The following PTPRK variants were observed in gnomAD, a reference collection of about 807,000 sequenced individuals.
PTPRK encodes the protein protein tyrosine phosphatase receptor type K, also known as receptor-type tyrosine-protein phosphatase kappa.
PTPRK carries 75 observed loss-of-function variants against 178.0 expected under a neutral mutation model. That is an observed-to-expected ratio of 0.42 (90% CI 0.35 to 0.51). The LOEUF (loss-of-function observed/expected upper bound fraction) is 0.51, where lower values mean the gene tolerates loss of function less well. Ranked by LOEUF, PTPRK falls within the 20% of genes least tolerant of loss-of-function variation. PTPRK has a pLI of 0.02. For missense variants in PTPRK, 1,441 were observed against 1,797.8 expected (o/e 0.80, Z 3.59); for synonymous variants, 637 against 620.6 (o/e 1.03, Z -0.39).
intron 22 of PTPRK, among the ~76,000 whole-genome samples, chr6:127,984,783 G>A (rs539576083): frequency 6.6e-6 from 1 of 152,258 alleles, no homozygotes; most frequent in Non-Finnish European, 1.5e-5. Flanking sequence ...CTCAATCACT[G>A]TTCCCAGAGT....
chr6:128,308,390 A>C (rs1826753288), intron 3 of PTPRK, among the ~76,000 whole-genome samples: 1 of 151,848 alleles, frequency 6.6e-6, no homozygotes, highest in African/African-American at 2.4e-5. Context: ...ATATTTCCTG[A>C]TTAGTCATGT....
At position 128,302,197 on chromosome 6, in the gene PTPRK, C is replaced by G. The variant is rs112679035; in HGVS notation, c.495+19842G>C. ...AGGTCAGGAGATGGAGACCATCCTG[C>G]CTAACATGGTGAAACCCCGTCTCTA... On this transcript the variant is annotated intron_variant, in intron 3 of 29. Transcript: ENST00000368226. 6.4e-3 allele frequency among the ~76,000 whole-genome samples: 966 copies of G among 151,626 alleles called. 13 individuals carry two copies. Among genetic ancestry groups the G allele is most frequent in the African/African-American group, 0.022 (924 of 41,376 alleles).
chr6:128,352,829 A>C (rs1833376272), intron 2 of PTPRK, among the ~76,000 whole-genome samples: 1 of 152,228 alleles, frequency 6.6e-6, no homozygotes. Context: ...GAATATGAAA[A>C]TGATATGCTA....
intron 1 of PTPRK, among the ~76,000 whole-genome samples, chr6:128,468,489 T>G (rs948072274): frequency 7.9e-5 from 12 of 152,216 alleles, no homozygotes; most frequent in African/African-American, 2.4e-4. Flanking sequence ...ATGTTTATTT[T>G]CAAGGAATTT....
intron 6 of PTPRK, among the ~76,000 whole-genome samples, chr6:128,211,641 C>T (rs904142780): frequency 2.6e-5 from 4 of 151,938 alleles, no homozygotes; most frequent in African/African-American, 9.7e-5. Context: ...CAGTCAGGTT[C>T]CTGATCATGC....
At chr6:128,101,279 A>G (rs1330033036) in intron 7 of PTPRK, among the ~76,000 whole-genome samples, 1 of 152,078 alleles carries the variant, frequency 6.6e-6, no homozygotes, top group African/African-American at 2.4e-5. Context: ...TGAATTTCAA[A>G]CTGCCTGTGG....
intron 13 of PTPRK, among the ~76,000 whole-genome samples, chr6:128,052,042 A>G (rs1278253352): frequency 2.0e-5 from 3 of 152,042 alleles, no homozygotes; most frequent in African/African-American, 7.2e-5. Context: ...CTCCACCATC[A>G]TATCCTCCAT....
At position 128,106,989 on chromosome 6, in the gene PTPRK, C is replaced by G. The variant is rs538054180; in HGVS notation, c.1163-16997G>C. On this transcript the variant is annotated intron_variant, in intron 7 of 29. Transcript: ENST00000368226. ...CAGAGGTACTTTACTATAAATTCTT[C>G]AAAACTGGGTTTAAAGAAATATCCA... Among the ~76,000 whole-genome samples, 19 of 152,112 alleles carry G rather than the reference C, an allele frequency of 1.2e-4. No individual in the cohort carries two copies. In the South Asian group the frequency reaches 3.3e-3, roughly 27 times the overall value.
At chr6:128,115,411 C>G (rs533359893) in intron 7 of PTPRK, among the ~76,000 whole-genome samples, 2 of 152,050 alleles carry the variant, frequency 1.3e-5, no homozygotes, top group African/African-American at 4.8e-5. Context: ...CTTGGTACAA[C>G]TGAAACAGAC....
At chr6:128,244,035 G>A (rs1815004137) in intron 3 of PTPRK, among the ~76,000 whole-genome samples, 1 of 152,166 alleles carries the variant, frequency 6.6e-6, no homozygotes, top group Admixed American at 6.6e-5. Flanking sequence ...AGAACTTACT[G>A]ACTCAGTTGT....
chr6:128,518,373 A>C (rs550744883), intron 1 of PTPRK, among the ~76,000 whole-genome samples: 1 of 152,354 alleles, frequency 6.6e-6, no homozygotes, highest in Non-Finnish European at 1.5e-5. Context: ...ATTCAGCTGG[A>C]GGAAAAGTAG....
chr6:127,987,216 G>T (rs1776077831), intron 21 of PTPRK, among the ~76,000 whole-genome samples: 1 of 147,840 alleles, frequency 6.8e-6, no homozygotes, highest in African/African-American at 2.5e-5. Flanking sequence ...TTTTCTGAAT[G>T]ATTTTCAAAT....
intron 1 of PTPRK, among the ~76,000 whole-genome samples, chr6:128,470,583 GA>G (rs780833338): frequency 9.2e-5 from 14 of 151,866 alleles, no homozygotes; most frequent in Non-Finnish European, 1.8e-4. Context: ...TTGAAACTTA[GA>G]AAGTGTTTCA....
chr6:128,118,206 G>C (rs998035753), intron 7 of PTPRK, among the ~76,000 whole-genome samples: 1 of 152,064 alleles, frequency 6.6e-6, no homozygotes, highest in Non-Finnish European at 1.5e-5. Context: ...AGAGTTTTTG[G>C]TGAAGGGATC....
intron 1 of PTPRK, among the ~76,000 whole-genome samples, chr6:128,429,736 G>C (rs563139224): frequency 3.3e-4 from 50 of 152,272 alleles, no homozygotes; most frequent in African/African-American, 1.2e-3. Context: ...GGCTCTTCTA[G>C]AAGTTTGCCT....
At chr6:128,283,712 T>C (rs1027570697) in intron 3 of PTPRK, among the ~76,000 whole-genome samples, 3 of 152,152 alleles carry the variant, frequency 2.0e-5, no homozygotes, top group Admixed American at 1.3e-4. Context: ...ATTAAGAAAA[T>C]AGGTTTAGTA....
chr6:128,343,500 C>CAAAAAAAAAAAAA (rs1199189035), intron 2 of PTPRK, among the ~76,000 whole-genome samples: 1 of 68,370 alleles, frequency 1.5e-5, no homozygotes, highest in African/African-American at 4.6e-5. Flanking sequence ...AACTCCATCT[C>CAAAAAAAAAAAAA]AAAAAAAAAA....
intron 5 of PTPRK, chr6:128,238,185 C>CAAAAAAAAAAAAAAAAAAA (rs58051125): frequency 4.3e-4 from 89 of 206,414 alleles, no homozygotes; most frequent in Middle Eastern, 1.5e-3. Context: ...TAGCAAACGC[C>CAAAAAAAAAAAAAAAAAAA]AAAAAAAAAA....
intron 1 of PTPRK, among the ~76,000 whole-genome samples, chr6:128,512,441 A>T (rs1857331556): frequency 6.6e-6 from 1 of 152,184 alleles, no homozygotes. Flanking sequence ...TAACCACGTC[A>T]TTATGCCAAT....
Sources: allele counts gnomAD v4.1 joint callset (sites outside exome capture counted in the v4.1 genomes callset), GRCh38; gene constraint gnomAD v4.1.1; transcripts MANE v1.5; gene names NCBI Gene and HGNC (gene_info 2026-07-23, HGNC 2026-07-21).